The following YIPF1 variants were observed in gnomAD, a reference collection of about 807,000 sequenced individuals.
YIPF1 encodes Yip1 domain family member 1, also known as protein YIPF1.
A neutral mutation model predicts 37.0 loss-of-function variants in YIPF1; 22 were observed. That is an observed-to-expected ratio of 0.59 (90% CI 0.42 to 0.85). The LOEUF is 0.85. Among genes scored for constraint, YIPF1 ranks in the 40% least tolerant of loss-of-function variants. The pLI, the probability that YIPF1 is intolerant of heterozygous loss-of-function variation, is 0.00. For missense variants in YIPF1, 355 were observed against 373.1 expected (o/e 0.95, Z 0.40); for synonymous variants, 128 against 131.9 (o/e 0.97, Z 0.21).
rs1383307934 is a variant in YIPF1 at position 53,870,328 on chromosome 1, A to T, written c.481+1044T>A. Among the ~76,000 whole-genome samples, 13 of 150,126 alleles carry T rather than the reference A, an allele frequency of 8.7e-5. 1 individual carries two copies. The highest frequency in any genetic ancestry group is 8.6e-4 in the Admixed American group (13 of 15,034). Reference sequence around the variant, plus strand: ...TGGGACTACAGGCATGCACCACCATACCCGGTAACTTTTTTTTAGTTTTTA... The same window carrying T: ...TGGGACTACAGGCATGCACCACCATTCCCGGTAACTTTTTTTTAGTTTTTA... On this transcript the variant is annotated intron_variant, in intron 7 of 10. Coordinates refer to ENST00000072644, the MANE Select transcript of YIPF1 (RefSeq NM_018982.5).
chr1:53,859,933 G>A (rs574707218), intron 10 of YIPF1, 123 bp downstream of exon 10: 40 of 923,348 alleles, frequency 4.3e-5, no homozygotes, highest in South Asian at 1.6e-4. Flanking sequence ...ACAAACCCAC[G>A]CTGAACTGTG....
intron 10 of YIPF1, among the ~76,000 whole-genome samples, chr1:53,857,322 C>T (rs1220232801): frequency 1.3e-5 from 2 of 152,186 alleles, no homozygotes; most frequent in East Asian, 3.8e-4. Flanking sequence ...TGTGGTAATA[C>T]CACTGGGCAG....
chr1:53,864,307 G>C (rs1649963187), intron 9 of YIPF1, among the ~76,000 whole-genome samples: 1 of 152,204 alleles, frequency 6.6e-6, no homozygotes, highest in Non-Finnish European at 1.5e-5. Flanking sequence ...AGTCACGGCA[G>C]CATTTTAAGG....
chr1:53,873,209 C>T (rs1056720219), intron 6 of YIPF1, among the ~76,000 whole-genome samples: 23 of 152,026 alleles, frequency 1.5e-4, no homozygotes, highest in African/African-American at 4.6e-4. Flanking sequence ...TCCGGGGAGA[C>T]GATCAATAAA....
chr1:53,862,115 G>A (rs1649899943), intron 9 of YIPF1, among the ~76,000 whole-genome samples: 1 of 152,192 alleles, frequency 6.6e-6, no homozygotes, highest in Admixed American at 6.5e-5. Flanking sequence ...ATCATTTGGG[G>A]AATGCCTACT....
At chr1:53,878,890 T>C (rs1443841045) in intron 4 of YIPF1, among the ~76,000 whole-genome samples, 168 bp from the exon 5 acceptor site, 1 of 152,164 alleles carries the variant, frequency 6.6e-6, no homozygotes, top group East Asian at 1.9e-4. Flanking sequence ...ACTCTCAGCC[T>C]GATTAGAAAA....
chr1:53,869,158 T>TCACACACACA (rs1191309311), intron 7 of YIPF1, among the ~76,000 whole-genome samples: 2 of 121,402 alleles, frequency 1.6e-5, no homozygotes, highest in Non-Finnish European at 3.3e-5. Flanking sequence ...TCTCTCTCTC[T>TCACACACACA]CTCACACACA....
intron 9 of YIPF1, among the ~76,000 whole-genome samples, chr1:53,862,783 TA>T (rs1482004606): frequency 6.6e-6 from 1 of 152,146 alleles, no homozygotes; most frequent in Non-Finnish European, 1.5e-5. Flanking sequence ...CCATGCTGCA[TA>T]TATCATTCAA....
intron 4 of YIPF1, among the ~76,000 whole-genome samples, chr1:53,881,615 C>T (rs1650504017): frequency 6.6e-6 from 1 of 152,122 alleles, no homozygotes; most frequent in African/African-American, 2.4e-5. Context: ...TGAAAGAAAG[C>T]TCAATATCTT....
intron 8 of YIPF1, 106 bp downstream of exon 8, chr1:53,866,652 C>T: frequency 2.2e-6 from 3 of 1,374,578 alleles, no homozygotes; most frequent in Non-Finnish European, 3.0e-6. Context: ...TTCAGAAGAA[C>T]ATGAGTATTG....
chr1:53,878,187 G>A (rs1650383707), intron 6 of YIPF1, 128 bp downstream of exon 6: 2 of 865,570 alleles, frequency 2.3e-6, no homozygotes, highest in Admixed American at 4.7e-5. Context: ...GGTTGCTACT[G>A]AAGTTCAGAA....
intron 9 of YIPF1, among the ~76,000 whole-genome samples, chr1:53,861,465 T>C (rs534180752): frequency 6.6e-5 from 10 of 152,306 alleles, no homozygotes; most frequent in Non-Finnish European, 8.8e-5. Context: ...TAGCTCACAC[T>C]GTGACTTTGG....
intron 9 of YIPF1, among the ~76,000 whole-genome samples, chr1:53,861,483 G>A (rs1412733607): frequency 6.6e-6 from 1 of 152,188 alleles, no homozygotes; most frequent in East Asian, 1.9e-4. Context: ...TGGACAAGTC[G>A]CTCCACCTGC....
chr1:53,865,540 G>C (rs12722841), intron 9 of YIPF1, among the ~76,000 whole-genome samples: 6 of 152,012 alleles, frequency 3.9e-5, no homozygotes, highest in Admixed American at 6.5e-5. Flanking sequence ...TTTATATAGA[G>C]AACTTGAGCA....
chr1:53,882,583 G>A (rs377515415), intron 4 of YIPF1, among the ~76,000 whole-genome samples: 15 of 151,880 alleles, frequency 9.9e-5, no homozygotes, highest in Admixed American at 3.3e-4. Context: ...TTAGTTTCCC[G>A]AGTAGCTGGG....
chr1:53,888,279 G>A (rs1007019649), intron 3 of YIPF1, among the ~76,000 whole-genome samples: 5 of 152,122 alleles, frequency 3.3e-5, no homozygotes. Flanking sequence ...CCTAAGTCAG[G>A]CTCTGGGTTA....
At chr1:53,880,121 T>C (rs1223144693) in intron 4 of YIPF1, among the ~76,000 whole-genome samples, 5 of 152,126 alleles carry the variant, frequency 3.3e-5, no homozygotes, top group African/African-American at 1.2e-4. Context: ...TCAAATCACC[T>C]TTGTTTGCAA....
chr1:53,861,171 C>T (rs1225702169), intron 9 of YIPF1, among the ~76,000 whole-genome samples: 1 of 152,192 alleles, frequency 6.6e-6, no homozygotes, highest in Non-Finnish European at 1.5e-5. Context: ...TGCAGACTCC[C>T]TCTAGTTTGC....
chr1:53,888,693 T>C (rs749286454), intron 3 of YIPF1, among the ~76,000 whole-genome samples: 5 of 152,220 alleles, frequency 3.3e-5, no homozygotes, highest in South Asian at 4.1e-4. Flanking sequence ...AAATTTATGA[T>C]ACTCGTTACC....
Sources: allele counts gnomAD v4.1 joint callset (sites outside exome capture counted in the v4.1 genomes callset), GRCh38; gene constraint gnomAD v4.1.1; transcripts MANE v1.5; gene names NCBI Gene and HGNC (gene_info 2026-07-23, HGNC 2026-07-21).